Variants in PARPBP observed in about 807,000 individuals in gnomAD.
PARPBP encodes PARP1 binding protein.
In PARPBP, 52 loss-of-function variants were observed where a neutral mutation model predicts 50.0. The observed-to-expected ratio is 1.04, with a 90% CI of 0.83 to 1.31. The LOEUF (loss-of-function observed/expected upper bound fraction) is 1.31, where lower values mean the gene tolerates loss of function less well. Ranked by LOEUF, PARPBP falls within the 50% of genes most tolerant of loss-of-function variation. PARPBP has a pLI of 0.00. For synonymous variants in PARPBP, 244 were observed against 232.1 expected (o/e 1.05, Z -0.47); for missense variants, 697 against 672.0 (o/e 1.04, Z -0.41).
intron 6 of PARPBP, among the ~76,000 whole-genome samples, chr12:102,169,957 A>G (rs1888525864): frequency 6.6e-6 from 1 of 152,198 alleles, no homozygotes; most frequent in Admixed American, 6.5e-5. Flanking sequence ...TATACTACTT[A>G]TTTTTAAATA....
chr12:102,151,281 G>A (rs1021874097), intron 3 of PARPBP, among the ~76,000 whole-genome samples: 1 of 152,196 alleles, frequency 6.6e-6, no homozygotes, highest in African/African-American at 2.4e-5. Flanking sequence ...TCTGGGTGGG[G>A]GTGCCGCGGG....
At chr12:102,128,521 G>A (rs2137249525) in intron 2 of PARPBP, among the ~76,000 whole-genome samples, 1 of 152,258 alleles carries the variant, frequency 6.6e-6, no homozygotes, top group South Asian at 2.1e-4. Flanking sequence ...ATGAGCCACC[G>A]TGCCCGGCCT....
chr12:102,136,799 C>G (rs2137788473), intron 2 of PARPBP, among the ~76,000 whole-genome samples: 1 of 152,308 alleles, frequency 6.6e-6, no homozygotes, highest in East Asian at 1.9e-4. Flanking sequence ...TATGAAACAA[C>G]ATACCTATAT....
At chr12:102,181,970 T>C (rs989567618) in intron 8 of PARPBP, among the ~76,000 whole-genome samples, 1 of 152,112 alleles carries the variant, frequency 6.6e-6, no homozygotes, top group African/African-American at 2.4e-5. Context: ...CTAATCCTGT[T>C]CATGAAGGCA....
intron 6 of PARPBP, among the ~76,000 whole-genome samples, chr12:102,167,115 G>A (rs1354214222): frequency 2.6e-5 from 4 of 152,090 alleles, no homozygotes; most frequent in Non-Finnish European, 4.4e-5. Context: ...TTAGGCCTGT[G>A]TCAGAGTGGC....
chr12:102,184,441 C>T (rs892118841), intron 9 of PARPBP, among the ~76,000 whole-genome samples: 6 of 152,028 alleles, frequency 3.9e-5, no homozygotes, highest in African/African-American at 7.2e-5. Flanking sequence ...TACTACGAAA[C>T]GTATAGACAA....
At chr12:102,163,696 T>A (rs772005304) in intron 4 of PARPBP, among the ~76,000 whole-genome samples, 16 of 152,228 alleles carry the variant, frequency 1.1e-4, no homozygotes, top group Non-Finnish European at 2.1e-4. Context: ...AACAATACTT[T>A]CTTCTACTCT....
Position 102,196,680 on chromosome 12 carries a change from C to T in PARPBP, c.*389C>T, listed in dbSNP as rs905199758. ...GACTTGCCAACAAGGTCGGTAGACT[C>T]TTCCCAGCATACATCTGAGCACTGA... On this transcript the variant is annotated 3_prime_UTR_variant, in exon 11 of 11. Transcript: ENST00000327680. 1.2e-6 allele frequency: 2 copies of T among 1,609,888 alleles called. No homozygotes were observed. Among genetic ancestry groups the T allele is most frequent in the Non-Finnish European group, 1.7e-6 (2 of 1,176,818 alleles).
chr12:102,141,221 C>A (rs145937133), intron 2 of PARPBP, among the ~76,000 whole-genome samples: 4,272 of 152,142 alleles, frequency 0.028, 325 homozygotes, highest in East Asian at 0.26. Context: ...TGAATTGATC[C>A]CTTTACCATT....
At position 102,196,924 on chromosome 12, in the gene PARPBP, G is replaced by T. The variant is rs754850490; in HGVS notation, c.*633G>T. 5.5e-6 allele frequency: 8 copies of T among 1,461,172 alleles called. No individual in the cohort carries two copies. Among genetic ancestry groups the T allele is most frequent in the Middle Eastern group, 1.8e-4 (1 of 5,586 alleles). 90.5% of individuals were successfully genotyped at this position (1,461,172 alleles called of 1,614,324 possible). On this transcript the variant is annotated 3_prime_UTR_variant, in exon 11 of 11. Coordinates refer to ENST00000327680, the MANE Select transcript of PARPBP (RefSeq NM_017915.5). ...CAAATTCACTTTAACTCAGAGTTCT[G>T]TTTAATGGTGGTAGGATGTAAGAAT... is the stretch of plus-strand genomic sequence containing the variant.
At chr12:102,134,215 A>G (rs926141901) in intron 2 of PARPBP, among the ~76,000 whole-genome samples, 1 of 150,472 alleles carries the variant, frequency 6.6e-6, no homozygotes, top group African/African-American at 2.4e-5. Context: ...CCTTTAGGTA[A>G]AAGTAAGAAA....
intron 6 of PARPBP, among the ~76,000 whole-genome samples, chr12:102,169,463 G>A (rs962825326): frequency 6.6e-6 from 1 of 152,144 alleles, no homozygotes; most frequent in African/African-American, 2.4e-5. Context: ...AAGCGATGAA[G>A]CCTGTCTCTC....
intron 2 of PARPBP, 85 bp downstream of exon 2, chr12:102,124,126 A>G (rs748156580): frequency 4.4e-6 from 4 of 916,900 alleles, no homozygotes; most frequent in Non-Finnish European, 6.7e-6. Flanking sequence ...GCTTAAGAAT[A>G]TTAATTTCTT....
intron 1 of PARPBP, 21 bp downstream of exon 1, chr12:102,120,307 A>G (rs897039230): frequency 8.1e-6 from 3 of 369,130 alleles, no homozygotes; most frequent in East Asian, 1.5e-4. Flanking sequence ...CGTCTGCCCT[A>G]CCTGCCCTGT....
At chr12:102,151,861 A>C in intron 3 of PARPBP, 189 of 1,243,178 alleles carry the variant, frequency 1.5e-4, no homozygotes, top group Middle Eastern at 3.8e-4. Flanking sequence ...GCACCAACTC[A>C]CTGTCCAAGC....
chr12:102,140,504 G>C (rs936422599), intron 2 of PARPBP, among the ~76,000 whole-genome samples: 2 of 152,064 alleles, frequency 1.3e-5, no homozygotes, highest in African/African-American at 2.4e-5. Flanking sequence ...TCTGATCTTA[G>C]CTATTTCTTG....
At chr12:102,139,019 G>C (rs920314971) in intron 2 of PARPBP, among the ~76,000 whole-genome samples, 8 of 152,114 alleles carry the variant, frequency 5.3e-5, no homozygotes, top group Non-Finnish European at 1.0e-4. Context: ...TTCCAATTCT[G>C]TGAAGAAAGT....
intron 9 of PARPBP, among the ~76,000 whole-genome samples, chr12:102,186,818 G>T (rs1251870877): frequency 6.6e-6 from 1 of 152,078 alleles, no homozygotes; most frequent in Non-Finnish European, 1.5e-5. Context: ...AATAACTTAA[G>T]TGTGCTAATC....
chr12:102,188,326 CAT>C (rs1487467482), intron 9 of PARPBP, among the ~76,000 whole-genome samples: 5 of 150,638 alleles, frequency 3.3e-5, no homozygotes, highest in African/African-American at 1.2e-4. Context: ...GATCACAGAA[CAT>C]AGTGTGAAAA....
Sources: gnomAD v4.1 joint callset for allele counts (sites outside exome capture counted in the v4.1 genomes callset) on GRCh38, gnomAD v4.1.1 for gene constraint, MANE v1.5 for transcripts, NCBI Gene and HGNC (gene_info 2026-07-23, HGNC 2026-07-21) for gene names.